The following IL1RAPL2 variants were observed in gnomAD, a reference collection of about 807,000 sequenced individuals.
IL1RAPL2 encodes the protein X-linked interleukin-1 receptor accessory protein-like 2.
A neutral mutation model predicts 44.1 loss-of-function variants in IL1RAPL2; 3 were observed. The observed-to-expected ratio is 0.07, with a 90% CI of 0.03 to 0.18. The LOEUF (loss-of-function observed/expected upper bound fraction) is 0.18, where lower values mean the gene tolerates loss of function less well. IL1RAPL2 is among the 10% of genes least tolerant of loss of function. The probability of loss-of-function intolerance (pLI) is 1.00; values close to 1 mark genes in which losing one functional copy is unlikely to be tolerated. For synonymous variants in IL1RAPL2, 181 were observed against 178.8 expected, an observed-to-expected ratio of 1.01 and a Z score of -0.10; for missense variants, 391 against 496.4, an observed-to-expected ratio of 0.79 and a Z score of 2.02.
rs1009553405 is a variant in IL1RAPL2 at position 105,692,814 on chromosome X, C to T, written c.773-24553C>T. On this transcript the variant is annotated intron_variant, in intron 6 of 10. Transcript: ENST00000372582. ...CAAGGAAGTGACATAATCAGGATTC[C>T]ATTTTAGATAGATTGCTCTAGTAGC... Among the ~76,000 whole-genome samples, 12 of 111,492 alleles carry T rather than the reference C, an allele frequency of 1.1e-4. 1 individual carries two copies. The highest frequency in any genetic ancestry group is 8.6e-4 in the Admixed American group (9 of 10,505).
intron 6 of IL1RAPL2, among the ~76,000 whole-genome samples, chrX:105,659,328 C>G (rs1209037112): frequency 9.0e-6 from 1 of 110,939 alleles, no homozygotes; most frequent in East Asian, 2.8e-4. Flanking sequence ...AATGCAGAGT[C>G]CTATCAGATA....
intron 5 of IL1RAPL2, among the ~76,000 whole-genome samples, chrX:105,323,295 T>C (rs2034910202): frequency 8.9e-6 from 1 of 112,122 alleles, no homozygotes; most frequent in Non-Finnish European, 1.9e-5. Context: ...AAAGTGTTCG[T>C]TTCTTTTTAA....
chrX:105,562,536 C>CACAT (rs2036946437), intron 6 of IL1RAPL2, among the ~76,000 whole-genome samples: 1 of 107,252 alleles, frequency 9.3e-6, no homozygotes, highest in South Asian at 4.0e-4. Flanking sequence ...CACACACACA[C>CACAT]ACACACACAC....
intron 2 of IL1RAPL2, among the ~76,000 whole-genome samples, chrX:104,743,320 A>ATTTTT (rs201927008): frequency 1.0e-5 from 1 of 100,258 alleles, no homozygotes; most frequent in East Asian, 3.1e-4. Context: ...GTTTCAAACT[A>ATTTTT]TTTTTTTTTT....
intron 2 of IL1RAPL2, among the ~76,000 whole-genome samples, chrX:105,169,492 CTTTTTTTTTTTTTTTTTT>C (rs748101220): frequency 2.4e-5 from 1 of 41,561 alleles, no homozygotes; most frequent in South Asian, 1.2e-3. Flanking sequence ...TTCTTTCTTT[CTTTTTTTTTTTTTTTTTT>C]TTTTTTTTTT....
intron 2 of IL1RAPL2, among the ~76,000 whole-genome samples, chrX:105,129,657 T>C (rs1177265444): frequency 1.8e-5 from 2 of 110,687 alleles, no homozygotes; most frequent in African/African-American, 6.6e-5. Flanking sequence ...TCAAATGATA[T>C]ATCATCTAAT....
chrX:105,284,711 G>A (rs1011527355), intron 5 of IL1RAPL2, among the ~76,000 whole-genome samples: 19 of 111,589 alleles, frequency 1.7e-4, no homozygotes, highest in South Asian at 3.7e-4. Flanking sequence ...TACTGGTGAG[G>A]AAATCAAGAC....
intron 2 of IL1RAPL2, among the ~76,000 whole-genome samples, chrX:104,898,918 T>C (rs943386949): frequency 8.9e-6 from 1 of 112,671 alleles, no homozygotes; most frequent in Non-Finnish European, 1.9e-5. Context: ...TGTTTTTGTA[T>C]GATAAAAGAT....
At chrX:105,159,349 C>T (rs1484141214) in intron 2 of IL1RAPL2, among the ~76,000 whole-genome samples, 1 of 111,846 alleles carries the variant, frequency 8.9e-6, no homozygotes, top group Non-Finnish European at 1.9e-5. Flanking sequence ...GATTGAGAAG[C>T]CAAGCAAACT....
intron 5 of IL1RAPL2, among the ~76,000 whole-genome samples, chrX:105,356,177 TGTGTG>T (rs2035201478): frequency 1.0e-5 from 1 of 100,084 alleles, no homozygotes; most frequent in African/African-American, 4.9e-5. Context: ...TGTGTGTGTG[TGTGTG>T]TGGTTTGTTT....
intron 2 of IL1RAPL2, among the ~76,000 whole-genome samples, chrX:104,676,890 A>T (rs888027855): frequency 4.5e-5 from 5 of 111,957 alleles, no homozygotes; most frequent in African/African-American, 1.6e-4. Context: ...AGTTGATCAC[A>T]TCGGCTCTTG....
chrX:104,721,270 G>C (rs1237153779), intron 2 of IL1RAPL2, among the ~76,000 whole-genome samples: 1 of 111,364 alleles, frequency 9.0e-6, no homozygotes, highest in Non-Finnish European at 1.9e-5. Context: ...CAAAGACATG[G>C]AATCAGCCCA....
chrX:105,504,236 C>T (rs2036415653), intron 6 of IL1RAPL2, among the ~76,000 whole-genome samples: 1 of 111,703 alleles, frequency 9.0e-6, no homozygotes, highest in African/African-American at 3.2e-5. Context: ...AGGCAGGTTT[C>T]ATGCAGATCT....
chrX:105,513,066 G>A (rs1435581786), intron 6 of IL1RAPL2, among the ~76,000 whole-genome samples: 1 of 110,844 alleles, frequency 9.0e-6, no homozygotes, highest in Non-Finnish European at 1.9e-5. Context: ...ATGATTTCCA[G>A]CTTGATCCAT....
intron 5 of IL1RAPL2, among the ~76,000 whole-genome samples, chrX:105,304,925 T>G (rs1265755592): frequency 9.0e-6 from 1 of 111,648 alleles, no homozygotes; most frequent in Non-Finnish European, 1.9e-5. Flanking sequence ...GGAAGCATGA[T>G]GGCTTCTGGG....
intron 5 of IL1RAPL2, among the ~76,000 whole-genome samples, chrX:105,384,508 A>G (rs746356310): frequency 2.7e-5 from 3 of 111,223 alleles, no homozygotes; most frequent in Non-Finnish European, 3.8e-5. Context: ...TTTGGTTACT[A>G]TAGTTTTGTA....
At chrX:105,127,248 G>A (rs765593036) in intron 2 of IL1RAPL2, among the ~76,000 whole-genome samples, 5 of 111,219 alleles carry the variant, frequency 4.5e-5, no homozygotes, top group Non-Finnish European at 7.6e-5. Flanking sequence ...CAATGGTTTC[G>A]ATATTTGGAA....
intron 5 of IL1RAPL2, among the ~76,000 whole-genome samples, chrX:105,288,605 C>G (rs2034588752): frequency 9.0e-6 from 1 of 111,025 alleles, no homozygotes; most frequent in South Asian, 3.8e-4. Context: ...TATTTTAAAT[C>G]AACTTTATTG....
intron 2 of IL1RAPL2, among the ~76,000 whole-genome samples, chrX:104,759,703 A>C (rs1246765217): frequency 3.6e-5 from 4 of 111,384 alleles, no homozygotes; most frequent in Non-Finnish European, 7.5e-5. Context: ...GTATATATTT[A>C]TGGAATACAT....
Sources: gnomAD v4.1 joint callset for allele counts (sites outside exome capture counted in the v4.1 genomes callset) on GRCh38, gnomAD v4.1.1 for gene constraint, MANE v1.5 for transcripts, NCBI Gene and HGNC (gene_info 2026-07-23, HGNC 2026-07-21) for gene names.